Variants in SRCIN1 observed in about 807,000 individuals in gnomAD.
The protein encoded by SRCIN1 is SRC kinase signaling inhibitor 1.
SRCIN1 carries 50 observed loss-of-function variants against 116.2 expected under a neutral mutation model. The observed-to-expected ratio is 0.43, with a 90% CI of 0.34 to 0.54. The LOEUF (loss-of-function observed/expected upper bound fraction) is 0.54. Ranked by LOEUF, SRCIN1 falls within the 20% of genes least tolerant of loss-of-function variation. The pLI is 0.02. For synonymous variants in SRCIN1, 736 were observed against 750.0 expected (o/e 0.98, Z 0.30); for missense variants, 1,446 against 1,672.0 (o/e 0.86, Z 2.36).
chr17:38,566,712 T>C (rs927893673), intron 3 of SRCIN1, among the ~76,000 whole-genome samples: 1 of 152,174 alleles, frequency 6.6e-6, no homozygotes, highest in African/African-American at 2.4e-5. Context: ...TTTGACAAGT[T>C]CCTAAGGCGA....
At chr17:38,595,599 T>C (rs747661681) in intron 1 of SRCIN1, among the ~76,000 whole-genome samples, 2 of 152,236 alleles carry the variant, frequency 1.3e-5, no homozygotes, top group Admixed American at 6.5e-5. Flanking sequence ...CAAGTTTGCA[T>C]GTGACTGTAA....
At chr17:38,586,762 T>C (rs33955609) in intron 1 of SRCIN1, among the ~76,000 whole-genome samples, 40,606 of 152,190 alleles carry the variant, frequency 0.27, 6,343 homozygotes, top group African/African-American at 0.43. Flanking sequence ...CAGCTTTGTG[T>C]AGGCAGAAAA....
chr17:38,530,325 C>T lies in SRCIN1; in HGVS notation c.*2972G>A, dbSNP rs948783936. ...TGGGGACCCCACTCAGAGCCTCAGG[C>T]CTGAGGCTCCTGGGGAAACAGCATA... is the stretch of plus-strand genomic sequence containing the variant. On this transcript the variant is annotated 3_prime_UTR_variant, in exon 19 of 19. Transcript: ENST00000617146. 3 of 152,184 alleles carry T rather than the reference C, an allele frequency of 2.0e-5. No homozygotes were observed. The highest frequency in any genetic ancestry group is 4.4e-5 in the Non-Finnish European group (3 of 68,086). 9.4% of individuals were successfully genotyped at this position (152,184 alleles called of 1,614,324 possible).
chr17:38,536,093 C>T (rs1904362941), intron 18 of SRCIN1, among the ~76,000 whole-genome samples: 1 of 152,188 alleles, frequency 6.6e-6, no homozygotes, highest in African/African-American at 2.4e-5. Context: ...TTTAGACATC[C>T]AGCTTCACCA....
rs549623540 is a variant in SRCIN1 at position 38,563,836 on chromosome 17, G to C, written c.541+282C>G. ...AGCTGAGGGAGAGAGAGGTTGGAGA[G>C]AGTTAGAGAAGGGAGATGGGAGAGA... On this transcript the variant is annotated intron_variant, in intron 4 of 18. Coordinates refer to ENST00000617146, the MANE Select transcript of SRCIN1 (RefSeq NM_025248.3). The surrounding 1 kb of genome is among the most constrained non-coding windows in gnomAD (Gnocchi z 5.8). 2 of 621,204 alleles carry C rather than the reference G, an allele frequency of 3.2e-6. No homozygotes were observed. Among genetic ancestry groups the C allele is most frequent in the African/African-American group, 3.7e-5 (2 of 54,140 alleles). 38.5% of individuals were successfully genotyped at this position (621,204 alleles called of 1,614,324 possible). A position where few individuals can be genotyped will look rare whatever the true frequency, so the allele number is the denominator to read the frequency against.
intron 1 of SRCIN1, 60 bp downstream of exon 1, chr17:38,605,624 C>A: frequency 2.2e-6 from 3 of 1,341,110 alleles, no homozygotes; most frequent in Non-Finnish European, 2.9e-6. Flanking sequence ...ACAAAGAAAA[C>A]AGAAATACCT....
chr17:38,548,466 T>A, intron 17 of SRCIN1, 91 bp downstream of exon 17: 1 of 1,518,828 alleles, frequency 6.6e-7, no homozygotes, highest in Non-Finnish European at 9.0e-7. Flanking sequence ...GAGCCCATCT[T>A]CTGCCTCATC....
Position 38,602,555 on chromosome 17 carries a change from C to T in SRCIN1, c.22+3129G>A, listed in dbSNP as rs2143475147. On this transcript the variant is annotated intron_variant, in intron 1 of 18. Coordinates refer to ENST00000617146, the MANE Select transcript of SRCIN1 (RefSeq NM_025248.3). This position sits in a 1 kb window ranked among gnomAD's most constrained non-coding sequence, Gnocchi z 4.2. ...GCAGCTTGTGCCCAAGCAGGGGTCC[C>T]TAGGTCAGGAAACCAGGCTTAAAGC... The T allele has an allele frequency of 6.6e-6, 1 of 152,288 alleles. No homozygotes were observed. The highest frequency in any genetic ancestry group is 6.5e-5 in the Admixed American group (1 of 15,296). 9.4% of individuals were successfully genotyped at this position (152,288 alleles called of 1,614,324 possible). A position where few individuals can be genotyped will look rare whatever the true frequency, so the allele number is the denominator to read the frequency against.
At chr17:38,592,286 G>C (rs1347084977) in intron 1 of SRCIN1, among the ~76,000 whole-genome samples, 1 of 152,178 alleles carries the variant, frequency 6.6e-6, no homozygotes, top group Non-Finnish European at 1.5e-5. Context: ...GATGGGATCG[G>C]AAGCTGAGGG....
chr17:38,542,228 G>A (rs1267058561), intron 18 of SRCIN1: 3 of 153,678 alleles, frequency 2.0e-5, no homozygotes, highest in African/African-American at 4.8e-5. Flanking sequence ...GAGGGACTAG[G>A]GTGGGAAACA....
chr17:38,600,382 G>T (rs1293821794), intron 1 of SRCIN1, among the ~76,000 whole-genome samples: 1 of 152,214 alleles, frequency 6.6e-6, no homozygotes. Flanking sequence ...AGGGTGGCAG[G>T]CTCTCCTCCC....
chr17:38,558,801 A>G lies in SRCIN1; in HGVS notation c.2026-399T>C, dbSNP rs191896410. 1.2e-4 allele frequency among the ~76,000 whole-genome samples: 19 copies of G among 152,270 alleles called. No homozygotes were observed. The highest frequency in any genetic ancestry group is 1.1e-3 in the Admixed American group (17 of 15,288). On this transcript the variant is annotated intron_variant, in intron 10 of 18. Coordinates refer to ENST00000617146, the MANE Select transcript of SRCIN1 (RefSeq NM_025248.3). The surrounding 1 kb of genome is among the most constrained non-coding windows in gnomAD (Gnocchi z 4.6). ...AGAAGGGGTTGGGAATATTTGCGGG[A>G]CAGGGTGTAGCCCTATGTAGGTCCC... is the stretch of plus-strand genomic sequence containing the variant.
chr17:38,533,998 T>C (rs2144875323), intron 18 of SRCIN1, among the ~76,000 whole-genome samples: 1 of 152,008 alleles, frequency 6.6e-6, no homozygotes, highest in East Asian at 1.9e-4. Context: ...CACCTGGAAA[T>C]CTGAGAAGAA....
At chr17:38,546,201 C>T (rs1406933403) in intron 17 of SRCIN1, among the ~76,000 whole-genome samples, 1 of 152,252 alleles carries the variant, frequency 6.6e-6, no homozygotes, top group Non-Finnish European at 1.5e-5. Context: ...GGTGCCGTCA[C>T]ACCCTTCCTC....
intron 2 of SRCIN1, among the ~76,000 whole-genome samples, chr17:38,573,474 T>C (rs1907223086): frequency 6.6e-6 from 1 of 152,166 alleles, no homozygotes; most frequent in Admixed American, 6.5e-5. Flanking sequence ...GCACAGACAC[T>C]TTCCTGGTTA....
rs1477500006 is a variant in SRCIN1, at chr17:38,561,513, G to A, written c.1650C>T (p.Arg550=). 1.3e-6 allele frequency: 2 copies of A among 1,597,022 alleles called. No homozygotes were observed. The highest frequency in any genetic ancestry group is 1.7e-5 in the Admixed American group (1 of 59,588). Residue 550 remains arginine (R), a synonymous_variant, in exon 7 of 19, where the codon CGC becomes CGT. Transcript: ENST00000617146. ...PSELFPGPGE[R]SLVGFGPPVP... Reference sequence around the variant, plus strand: ...CTGGCGGCCCGAACCCAACCAGCGAGCGTTCCCCAGGCCCAGGGAAGAGCT... The same window carrying A: ...CTGGCGGCCCGAACCCAACCAGCGAACGTTCCCCAGGCCCAGGGAAGAGCT...
Position 38,552,011 on chromosome 17 carries a change from G to T in SRCIN1, c.2602C>A (p.Pro868Thr). 1 of 1,613,966 alleles carries T rather than the reference G, an allele frequency of 6.2e-7. No individual in the cohort carries two copies. Among genetic ancestry groups the T allele is most frequent in the South Asian group, 1.1e-5 (1 of 91,090 alleles). ...CCGCTCAGCTCATGCAGGTTCAGCG[G>T]GGGGCTGGGGGGTGGCATTTCGAAG... Reference protein sequence around the residue: ...VDFEMPPPSPPLNLHELSGPA... With the variant: ...VDFEMPPPSPTLNLHELSGPA... The change falls in exon 14 of 19, where the codon CCG becomes ACG. Residue 868 changes from proline (P) to threonine (T), a missense_variant. Around this residue, in one of 5 missense-constraint regions of SRCIN1, gnomAD observed 531 missense variants for 633.9 expected, o/e 0.84. Coordinates refer to ENST00000617146, the MANE Select transcript of SRCIN1 (RefSeq NM_025248.3). The surrounding 1 kb of genome is among the most constrained non-coding windows in gnomAD (Gnocchi z 5.3).
chr17:38,541,652 G>A (rs563583204), intron 18 of SRCIN1: 188 of 153,426 alleles, frequency 1.2e-3, no homozygotes, highest in Admixed American at 2.0e-3. Context: ...GGAAGAGGCA[G>A]GCAAAGGAGA....
chr17:38,533,242 G>A lies in SRCIN1; in HGVS notation c.*55C>T. The A allele has an allele frequency of 6.7e-7, 1 of 1,502,940 alleles. No individual in the cohort carries two copies. The highest frequency in any genetic ancestry group is 8.9e-7 in the Non-Finnish European group (1 of 1,121,480). The allele number at this position is 1,502,940 out of a possible 1,614,324, so 93.1% of individuals were successfully genotyped here. A position where few individuals can be genotyped will look rare whatever the true frequency, so the allele number is the denominator to read the frequency against. On this transcript the variant is annotated 3_prime_UTR_variant, in exon 19 of 19. Transcript: ENST00000617146. ...GGGGTGGAGATGAAGGAAGAGAGGG[G>A]AGAAATGGCAGGAGTGAGGGAGGGG...
Sources: gnomAD v4.1 joint callset for allele counts (sites outside exome capture counted in the v4.1 genomes callset) on GRCh38, gnomAD v4.1.1 for gene constraint, gnomAD v4.1.1 regional missense constraint, Gnocchi (gnomAD v3.1) non-coding constraint, MANE v1.5 for transcripts, NCBI Gene and HGNC (gene_info 2026-07-23, HGNC 2026-07-21) for gene names.